LRRC69: variants seen among roughly 807,000 people sequenced by gnomAD.
LRRC69 encodes the protein leucine-rich repeat-containing protein 69.
LRRC69 carries 42 observed loss-of-function variants against 37.8 expected under a neutral mutation model. The ratio of observed to expected loss-of-function variants is 1.11; its 90% CI spans 0.87 to 1.44. The LOEUF is 1.44. Ranked by LOEUF, LRRC69 falls within the 40% of genes most tolerant of loss-of-function variation. The pLI is 0.00. For missense variants in LRRC69, 357 were observed against 401.9 expected (o/e 0.89, Z 0.96); for synonymous variants, 141 against 143.1 (o/e 0.99, Z 0.11).
At chr8:91,143,210 TG>T (rs1225518804) in intron 5 of LRRC69, among the ~76,000 whole-genome samples, 4 of 152,156 alleles carry the variant, frequency 2.6e-5, no homozygotes, top group African/African-American at 7.2e-5. Flanking sequence ...TGGAGAAATT[TG>T]GGGAAGGCCA....
chr8:91,217,573 G>A (rs1195843536), intron 7 of LRRC69, among the ~76,000 whole-genome samples: 1 of 152,110 alleles, frequency 6.6e-6, no homozygotes, highest in African/African-American at 2.4e-5. Flanking sequence ...TCAGAGGGAA[G>A]CAATTGAGTC....
intron 5 of LRRC69, among the ~76,000 whole-genome samples, chr8:91,147,478 C>T (rs558605257): frequency 2.4e-4 from 37 of 151,318 alleles, no homozygotes; most frequent in African/African-American, 8.7e-4. Flanking sequence ...CTATTTTGCC[C>T]AGGCTGGTCT....
intron 5 of LRRC69, 113 bp from the exon 6 acceptor site, chr8:91,189,409 G>A (rs1235114297): frequency 1.1e-5 from 8 of 717,768 alleles, no homozygotes; most frequent in Non-Finnish European, 1.6e-5. Context: ...AGTATTTACT[G>A]TGGATTTTTA....
chr8:91,147,751 A>C (rs1433447681), intron 5 of LRRC69, among the ~76,000 whole-genome samples: 1 of 151,814 alleles, frequency 6.6e-6, no homozygotes, highest in East Asian at 1.9e-4. Flanking sequence ...CAGAATGTGC[A>C]GGTTTGTTAC....
chr8:91,139,870 C>T (rs981903356), intron 5 of LRRC69, among the ~76,000 whole-genome samples: 2 of 151,514 alleles, frequency 1.3e-5, no homozygotes, highest in African/African-American at 2.4e-5. Context: ...GGGCGGATCA[C>T]CTCAGGTCAG....
chr8:91,207,053 T>C (rs903797699), intron 7 of LRRC69, among the ~76,000 whole-genome samples: 3 of 152,214 alleles, frequency 2.0e-5, no homozygotes, highest in Non-Finnish European at 4.4e-5. Flanking sequence ...CTGAAACTTA[T>C]TTATTTTTTT....
At chr8:91,193,030 T>C (rs1485767121) in intron 6 of LRRC69, among the ~76,000 whole-genome samples, 1 of 151,132 alleles carries the variant, frequency 6.6e-6, no homozygotes, top group Non-Finnish European at 1.5e-5. Flanking sequence ...TTGTATAAGG[T>C]GTAAGGAAGG....
chr8:91,114,983 G>A (rs1813482960), intron 1 of LRRC69, among the ~76,000 whole-genome samples: 2 of 152,024 alleles, frequency 1.3e-5, no homozygotes, highest in East Asian at 3.9e-4. Context: ...TTTATACATG[G>A]AATATAAAAA....
chr8:91,144,778 A>G (rs1317703538), intron 5 of LRRC69, among the ~76,000 whole-genome samples: 1 of 151,980 alleles, frequency 6.6e-6, no homozygotes, highest in African/African-American at 2.4e-5. Flanking sequence ...ACCCTGGTTT[A>G]CTGTCACTCT....
chr8:91,204,327 T>C (rs1244096317), intron 7 of LRRC69, among the ~76,000 whole-genome samples: 1 of 152,142 alleles, frequency 6.6e-6, no homozygotes. Context: ...ATTGGTTGAA[T>C]ATATGAATTA....
chr8:91,140,671 T>C lies in LRRC69; in HGVS notation c.651+4932T>C, dbSNP rs559814354. Among the ~76,000 whole-genome samples the C allele has an allele frequency of 2.2e-3, 31 of 14,088 alleles. 2 individuals are homozygous for C. The highest frequency in any genetic ancestry group is 4.7e-3 in the Non-Finnish European group (27 of 5,772). 9.2% of individuals were successfully genotyped at this position (14,088 alleles called of 152,430 possible). Reference sequence around the variant, plus strand: ...TTTTTTTTTTTTTTTTTTTTTTTTTTGAGACGGAGTCTCGCTCTGTCGCCC... The same window carrying C: ...TTTTTTTTTTTTTTTTTTTTTTTTTCGAGACGGAGTCTCGCTCTGTCGCCC... On this transcript the variant is annotated intron_variant, in intron 5 of 7. Transcript: ENST00000448384.
chr8:91,207,836 T>C (rs1227897409), intron 7 of LRRC69, among the ~76,000 whole-genome samples: 1 of 152,224 alleles, frequency 6.6e-6, no homozygotes, highest in Non-Finnish European at 1.5e-5. Flanking sequence ...AGCTAGTGTA[T>C]AAGTTGCTAG....
chr8:91,174,690 C>T (rs780564297), intron 5 of LRRC69, among the ~76,000 whole-genome samples: 8 of 152,200 alleles, frequency 5.3e-5, no homozygotes, highest in Non-Finnish European at 1.2e-4. Context: ...AAATTGTAGA[C>T]TATTCCAGGG....
intron 5 of LRRC69, among the ~76,000 whole-genome samples, chr8:91,139,556 G>GT (rs1808496781): frequency 6.6e-6 from 1 of 150,560 alleles, no homozygotes; most frequent in African/African-American, 2.4e-5. Context: ...GATTACAGGC[G>GT]TATGTACAGG....
intron 5 of LRRC69, among the ~76,000 whole-genome samples, chr8:91,136,200 C>T (rs917037131): frequency 1.4e-4 from 22 of 151,886 alleles, no homozygotes; most frequent in African/African-American, 4.6e-4. Flanking sequence ...ATGGAGAAAC[C>T]GTTTGTCTTG....
chr8:91,200,153 A>G (rs79247923), intron 6 of LRRC69, among the ~76,000 whole-genome samples: 1,947 of 152,284 alleles, frequency 0.013, 49 homozygotes, highest in African/African-American at 0.045. Flanking sequence ...TGTGTCTGAC[A>G]TTCTGCATAT....
chr8:91,149,105 A>G (rs575832830), intron 5 of LRRC69, among the ~76,000 whole-genome samples: 2 of 151,784 alleles, frequency 1.3e-5, no homozygotes, highest in African/African-American at 4.8e-5. Flanking sequence ...CCATTTGTCA[A>G]TTTTGGCTTT....
chr8:91,137,666 T>G (rs2130522531), intron 5 of LRRC69, among the ~76,000 whole-genome samples: 1 of 152,206 alleles, frequency 6.6e-6, no homozygotes, highest in African/African-American at 2.4e-5. Context: ...GTTTCATCTG[T>G]GTAGTACCTA....
At chr8:91,170,444 A>G (rs1246919080) in intron 5 of LRRC69, among the ~76,000 whole-genome samples, 1 of 139,338 alleles carries the variant, frequency 7.2e-6, no homozygotes, top group Non-Finnish European at 1.5e-5. Flanking sequence ...CACATCGCCA[A>G]GCCAATCCTA....
Sources: gnomAD v4.1 joint callset for allele counts (sites outside exome capture counted in the v4.1 genomes callset) on GRCh38, gnomAD v4.1.1 for gene constraint, MANE v1.5 for transcripts, NCBI Gene and HGNC (gene_info 2026-07-23, HGNC 2026-07-21) for gene names.